CR2: variants seen among roughly 807,000 people sequenced by gnomAD.
The protein encoded by CR2 is complement C3d receptor 2, also known as complement receptor type 2.
A neutral mutation model predicts 123.0 loss-of-function variants in CR2; 96 were observed. That is an observed-to-expected ratio of 0.78 (90% CI 0.66 to 0.93). The LOEUF is 0.93. Ranked by LOEUF, CR2 falls within the 40% of genes least tolerant of loss-of-function variation. The pLI is 0.00. For synonymous variants in CR2, 484 were observed against 469.5 expected (o/e 1.03, Z -0.40); for missense variants, 1,258 against 1,361.0 (o/e 0.92, Z 1.19).
chr1:207,483,068 T>C (rs1480915765), intron 18 of CR2, among the ~76,000 whole-genome samples: 1 of 152,042 alleles, frequency 6.6e-6, no homozygotes, highest in Non-Finnish European at 1.5e-5. Flanking sequence ...TGGCCTCGGA[T>C]GTTATGTGTG....
chr1:207,488,296 C>T (rs868316877), intron 19 of CR2, among the ~76,000 whole-genome samples: 29 of 152,290 alleles, frequency 1.9e-4, no homozygotes, highest in African/African-American at 7.0e-4. Context: ...AAGCTCATGC[C>T]TGAGTTTAAA....
In CR2 at chr1:207,469,677, T is replaced by C. The variant is rs769256720; in HGVS notation, c.818-18T>C. ...AATACACCTATGATCTTGTCATTTC[T>C]TTCTGCAATTCCCCTAGAAATTTTT... On this transcript the variant is annotated intron_variant, in intron 5 of 19. Transcript: ENST00000367057. The C allele has an allele frequency of 1.2e-6, 2 of 1,611,992 alleles. No homozygotes were observed. Among genetic ancestry groups the C allele is most frequent in the Non-Finnish European group, 1.7e-6 (2 of 1,178,178 alleles).
intron 1 of CR2, among the ~76,000 whole-genome samples, chr1:207,463,383 T>C (rs1411039095): frequency 6.6e-6 from 1 of 152,120 alleles, no homozygotes; most frequent in Non-Finnish European, 1.5e-5. Context: ...CCTGATCCAC[T>C]CCAGAGACAC....
intron 17 of CR2, 107 bp downstream of exon 17, chr1:207,479,387 A>G (rs552715468): frequency 1.3e-6 from 1 of 792,174 alleles, no homozygotes; most frequent in East Asian, 2.7e-5. Flanking sequence ...CTCATAGGGA[A>G]TGTTCTCTTT....
intron 15 of CR2, among the ~76,000 whole-genome samples, chr1:207,477,527 A>G (rs1658475872): frequency 6.6e-6 from 1 of 152,238 alleles, no homozygotes; most frequent in South Asian, 2.1e-4. Flanking sequence ...TGTATGAAGA[A>G]TTAGAGAGTA....
In CR2 at chr1:207,454,949, A is replaced by T. The variant is rs368246274; in HGVS notation, c.58+473A>T. 6.9e-4 allele frequency: 109 copies of T among 157,894 alleles called. 5 individuals carry two copies. The South Asian group carries it at 0.02, about 30-fold the overall frequency. The allele number at this position is 157,894 out of a possible 1,614,324, so 9.8% of individuals were successfully genotyped here. A position where few individuals can be genotyped will look rare whatever the true frequency, so the allele number is the denominator to read the frequency against. ...GGCAGAACCTCGGCTCCCTTCCCTA[A>T]ATAAGAGTAAGACCTGGTTCCCAAG... On this transcript the variant is annotated intron_variant, in intron 1 of 19. Coordinates refer to ENST00000367057, the MANE Select transcript of CR2 (RefSeq NM_001006658.3). This position sits in a 1 kb window ranked among gnomAD's most constrained non-coding sequence, Gnocchi z 4.3.
rs183067414 is a variant in CR2, at chr1:207,470,797, G to A, written c.1283G>A (p.Arg428His). The A allele has an allele frequency of 4.0e-5, 65 of 1,613,836 alleles. No homozygotes were observed. The African/African-American group carries it at 5.7e-4, about 14-fold the overall frequency. Residue 428 changes from arginine (R) to histidine (H), a missense_variant, in exon 7 of 20, where the codon CGC becomes CAC. Physicochemically the swap from Arg to His is conservative, Grantham distance 29. Coordinates refer to ENST00000367057, the MANE Select transcript of CR2 (RefSeq NM_001006658.3). ...CAAAAGGAAGATAGACACATGGTCCGCTTTGACCCTGGAACATCTATAAAA... is the reference window on the plus strand; with the variant it reads ...CAAAAGGAAGATAGACACATGGTCCACTTTGACCCTGGAACATCTATAAAA... ...NGQKEDRHMVRFDPGTSIKYS... is the reference protein window; with the variant it reads ...NGQKEDRHMVHFDPGTSIKYS...
intron 16 of CR2, 72 bp from the exon 17 acceptor site, chr1:207,479,185 A>G: frequency 3.3e-6 from 4 of 1,210,384 alleles, no homozygotes; most frequent in South Asian, 1.2e-5. Flanking sequence ...GGACATTACC[A>G]TGAAACGTGG....
intron 19 of CR2, among the ~76,000 whole-genome samples, chr1:207,486,802 G>A (rs998995236): frequency 4.6e-5 from 7 of 152,222 alleles, no homozygotes; most frequent in African/African-American, 1.7e-4. Flanking sequence ...TAAGCAACTG[G>A]AAGGATAGAA....
Position 207,454,440 on chromosome 1 carries a change from G to A in CR2, c.22G>A (p.Gly8Arg), listed in dbSNP as rs1558184794. 1.3e-6 allele frequency: 2 copies of A among 1,585,610 alleles called. No homozygotes were observed. The highest frequency in any genetic ancestry group is 2.3e-5 in the East Asian group (1 of 43,798). ...TGGCATGGGCGCCGCGGGCCTGCTC[G>A]GGGTTTTCTTGGCTCTCGTCGCACC... is the stretch of plus-strand genomic sequence containing the variant. MGAAGLL[G>R]VFLALVAPGV... Residue 8 changes from glycine (G) to arginine (R), a missense_variant, in exon 1 of 20, where the codon GGG (glycine) becomes AGG (arginine). Gly to Arg is a moderately radical substitution (Grantham distance 125). Transcript: ENST00000367057. The surrounding 1 kb of genome is among the most constrained non-coding windows in gnomAD (Gnocchi z 4.3).
chr1:207,463,240 G>A (rs149997402), intron 1 of CR2, among the ~76,000 whole-genome samples: 1 of 152,298 alleles, frequency 6.6e-6, no homozygotes, highest in Non-Finnish European at 1.5e-5. Context: ...TAAAGGGTGA[G>A]TTGGCAGGAG....
At chr1:207,485,372 AT>A in intron 18 of CR2, 91 bp from the exon 19 acceptor site, 1 of 792,472 alleles carries the variant, frequency 1.3e-6, no homozygotes, top group South Asian at 1.4e-5. Flanking sequence ...AGTACTTACC[AT>A]GTGTTGGGAA....
intron 19 of CR2, among the ~76,000 whole-genome samples, chr1:207,487,314 T>A (rs1658777316): frequency 6.6e-6 from 1 of 152,134 alleles, no homozygotes; most frequent in African/African-American, 2.4e-5. Flanking sequence ...TGAGACAGGG[T>A]CTCACTCTGT....
chr1:207,481,588 A>G (rs1180440108), intron 18 of CR2, among the ~76,000 whole-genome samples: 1 of 152,160 alleles, frequency 6.6e-6, no homozygotes, highest in Non-Finnish European at 1.5e-5. Flanking sequence ...ATCTTAGATC[A>G]TTGATAGGAA....
chr1:207,478,543 A>G (rs1228663514), intron 16 of CR2, among the ~76,000 whole-genome samples: 7 of 150,010 alleles, frequency 4.7e-5, no homozygotes, highest in African/African-American at 9.7e-5. Flanking sequence ...AAAAAAAAAA[A>G]AAAAGAAAGA....
rs535893935 is a variant in CR2 at position 207,476,277 on chromosome 1, C to T, written c.2760C>T (p.Asn920=). Residue 920 remains asparagine, a synonymous_variant, in exon 15 of 20, where the codon AAC becomes AAT. Coordinates refer to ENST00000367057, the MANE Select transcript of CR2 (RefSeq NM_001006658.3). The stretch of plus-strand genomic sequence containing the variant: ...CTCCGCCTAAGACCCCTAACGGGAA[C>T]CATACTGGTGGAAACATAGCTCGAT... The part of the protein sequence containing the change: ...CPPPPKTPNG[N]HTGGNIARFS... The T allele has an allele frequency of 1.1e-5, 17 of 1,613,870 alleles. No individual in the cohort carries two copies. The South Asian group carries it at 1.6e-4, about 16-fold the overall frequency.
chr1:207,472,571 T>C (rs556967744), intron 9 of CR2, among the ~76,000 whole-genome samples: 1 of 152,334 alleles, frequency 6.6e-6, no homozygotes, highest in East Asian at 1.9e-4. Flanking sequence ...ACATTCACTT[T>C]GAATAAAGAT....
At chr1:207,476,452 A>G in intron 15 of CR2, 33 bp downstream of exon 15, 1 of 1,587,560 alleles carries the variant, frequency 6.3e-7, no homozygotes, top group Non-Finnish European at 8.6e-7. Flanking sequence ...TTATTTTTAT[A>G]TCAAATTTGT....
chr1:207,463,715 G>A (rs1265787657), intron 1 of CR2, among the ~76,000 whole-genome samples: 1 of 152,216 alleles, frequency 6.6e-6, no homozygotes, highest in East Asian at 1.9e-4. Context: ...CGTGTGCCGC[G>A]AGATTTCTTA....
Sources: allele counts gnomAD v4.1 joint callset (sites outside exome capture counted in the v4.1 genomes callset), GRCh38; gene constraint gnomAD v4.1.1; non-coding constraint Gnocchi (gnomAD v3.1); transcripts MANE v1.5; gene names NCBI Gene and HGNC (gene_info 2026-07-23, HGNC 2026-07-21).